FGF13: variants seen among roughly 807,000 people sequenced by gnomAD.
FGF13 encodes fibroblast growth factor homologous factor 2.
In FGF13, 2 loss-of-function variants were observed where a neutral mutation model predicts 19.5. The observed-to-expected ratio is 0.10, with a 90% CI of 0.04 to 0.32. FGF13 has a LOEUF of 0.32. Ranked by LOEUF, FGF13 falls within the 10% of genes least tolerant of loss-of-function variation. FGF13 has a pLI of 1.00. For missense variants in FGF13, 113 were observed against 192.7 expected, an observed-to-expected ratio of 0.59 and a Z score of 2.45; for synonymous variants, 72 against 76.9, an observed-to-expected ratio of 0.94 and a Z score of 0.33.
intron 1 of FGF13, among the ~76,000 whole-genome samples, chrX:138,994,115 C>T (rs2124350849): frequency 8.9e-6 from 1 of 111,735 alleles, no homozygotes; most frequent in East Asian, 2.8e-4. Flanking sequence ...AACAAAACAC[C>T]ATATTCTGAG....
chrX:139,061,650 A>G (rs969776779), intron 1 of FGF13, among the ~76,000 whole-genome samples: 8 of 111,688 alleles, frequency 7.2e-5, no homozygotes, highest in Admixed American at 6.7e-4. Flanking sequence ...GTATTCAGCC[A>G]CAGAAACAGA....
At chrX:139,034,350 A>G (rs1305260914) in intron 1 of FGF13, among the ~76,000 whole-genome samples, 3 of 111,642 alleles carry the variant, frequency 2.7e-5, no homozygotes, top group Non-Finnish European at 5.7e-5. Context: ...AAACATAGAA[A>G]GAATGAAGGG....
intron 1 of FGF13, among the ~76,000 whole-genome samples, chrX:139,011,541 A>T (rs1359976381): frequency 9.0e-6 from 1 of 111,662 alleles, no homozygotes; most frequent in Non-Finnish European, 1.9e-5. Context: ...AACATACGTA[A>T]GTCAACAGAT....
intron 1 of FGF13, among the ~76,000 whole-genome samples, chrX:139,007,960 T>C (rs756475092): frequency 1.0e-3 from 117 of 112,800 alleles, no homozygotes; most frequent in Middle Eastern, 4.6e-3. Context: ...TGTGGGGGCA[T>C]AGTGGGAGTG....
chrX:139,159,919 C>A (rs1603226555), intron 1 of FGF13, among the ~76,000 whole-genome samples: 1 of 110,971 alleles, frequency 9.0e-6, no homozygotes, highest in Admixed American at 9.6e-5. Context: ...CTGTCAATAT[C>A]AGACAGATCA....
At chrX:138,833,996 C>T (rs1397484034) in intron 3 of FGF13, among the ~76,000 whole-genome samples, 1 of 111,682 alleles carries the variant, frequency 9.0e-6, no homozygotes, top group Admixed American at 9.5e-5. Context: ...CCTTGCATCC[C>T]AGATATAAAG....
At chrX:138,830,687 T>TTGTCTGTGTG (rs1199806084) in intron 3 of FGF13, among the ~76,000 whole-genome samples, 51 of 87,518 alleles carry the variant, frequency 5.8e-4, no homozygotes, top group African/African-American at 2.0e-3. Context: ...AAAGGGGTGT[T>TTGTCTGTGTG]TGTGTGTGTG....
At chrX:139,014,539 T>C (rs1232548485) in intron 1 of FGF13, among the ~76,000 whole-genome samples, 1 of 111,298 alleles carries the variant, frequency 9.0e-6, no homozygotes, top group African/African-American at 3.3e-5. Flanking sequence ...GATTAAACCA[T>C]GAAGAGATCC....
At chrX:138,941,633 T>C (rs1156475421) in intron 1 of FGF13, among the ~76,000 whole-genome samples, 1 of 112,061 alleles carries the variant, frequency 8.9e-6, no homozygotes, top group Non-Finnish European at 1.9e-5. Flanking sequence ...TTCTAAGCAA[T>C]TTGCAGATTC....
intron 3 of FGF13, among the ~76,000 whole-genome samples, chrX:138,812,569 C>T (rs948585480): frequency 9.0e-6 from 1 of 111,250 alleles, no homozygotes; most frequent in South Asian, 3.8e-4. Flanking sequence ...CACTTCCTAC[C>T]TCTCCATTCC....
chrX:138,625,483 TAA>T lies in FGF13; in HGVS notation c.*7365_*7366del, dbSNP rs1491475700. The stretch of plus-strand genomic sequence containing the variant: ...TTATATATATATACATATATATATA[TAA>T]TATATATATATACATATATATATAT... On this transcript the variant is annotated 3_prime_UTR_variant, in exon 5 of 5. Transcript: ENST00000315930. 2 of 90,038 alleles carry T rather than the reference TAA, an allele frequency of 2.2e-5. No homozygotes were observed. Among genetic ancestry groups the T allele is most frequent in the African/African-American group, 1.0e-4 (2 of 19,709 alleles). 7.4% of individuals were successfully genotyped at this position (90,038 alleles called of 1,213,427 possible).
intron 1 of FGF13, among the ~76,000 whole-genome samples, chrX:138,960,751 A>G (rs1305571445): frequency 9.0e-6 from 1 of 111,411 alleles, no homozygotes; most frequent in African/African-American, 3.3e-5. Flanking sequence ...ACTTCATTTC[A>G]TTCATTTGAT....
chrX:138,675,889 G>A (rs923938968), intron 3 of FGF13, among the ~76,000 whole-genome samples: 1 of 111,446 alleles, frequency 9.0e-6, no homozygotes, highest in Non-Finnish European at 1.9e-5. Flanking sequence ...TGTGGTGACA[G>A]CCATTTTGAA....
intron 3 of FGF13, among the ~76,000 whole-genome samples, chrX:138,750,107 G>A (rs768272295): frequency 1.2e-4 from 13 of 111,864 alleles, no homozygotes; most frequent in East Asian, 2.8e-4. Context: ...ATCTACAGAC[G>A]TTGGTTATGG....
At chrX:139,088,379 A>G (rs1306115099) in intron 1 of FGF13, among the ~76,000 whole-genome samples, 1 of 111,163 alleles carries the variant, frequency 9.0e-6, no homozygotes, top group Non-Finnish European at 1.9e-5. Context: ...GAAAGAAAGG[A>G]GAAGGAATTC....
At chrX:138,712,165 T>C (rs1441513658), upstream of FGF13, 2 of 111,255 alleles carry the variant, frequency 1.8e-5, no homozygotes, top group African/African-American at 3.3e-5. Context: ...GCGACACTTG[T>C]AGCCATTCAG....
chrX:138,868,798 G>C (rs2091342963), intron 1 of FGF13, among the ~76,000 whole-genome samples: 1 of 110,220 alleles, frequency 9.1e-6, no homozygotes, highest in African/African-American at 3.3e-5. Flanking sequence ...TTTGGTGTTT[G>C]GAAACCTAAT....
Position 138,711,709 on chromosome X carries a change from C to G in FGF13, c.-706G>C. The G allele has an allele frequency of 1.3e-6, 1 of 752,273 alleles. No homozygotes were observed. Among genetic ancestry groups the G allele is most frequent in the East Asian group, 1.5e-4 (1 of 6,557 alleles). 62.0% of individuals were successfully genotyped at this position (752,273 alleles called of 1,213,427 possible). A position where few individuals can be genotyped will look rare whatever the true frequency, so the allele number is the denominator to read the frequency against. ...CAGCCGCCGCAGGCACCCTCCGGAA[C>G]AGCGCGACAGCCTCCTTGCAGCCCC... On this transcript the variant is annotated 5_prime_UTR_variant, in exon 1 of 5. Coordinates refer to ENST00000315930, the MANE Select transcript of FGF13 (RefSeq NM_004114.5).
At chrX:139,193,545 G>A (rs1260956178) in intron 1 of FGF13, among the ~76,000 whole-genome samples, 2 of 111,192 alleles carry the variant, frequency 1.8e-5, no homozygotes, top group Non-Finnish European at 3.8e-5. Context: ...GGGTGACATA[G>A]AAGCCCTGTA....
Sources: allele counts gnomAD v4.1 joint callset (sites outside exome capture counted in the v4.1 genomes callset), GRCh38; gene constraint gnomAD v4.1.1; transcripts MANE v1.5; gene names NCBI Gene and HGNC (gene_info 2026-07-23, HGNC 2026-07-21).